SMAD4: variants seen among roughly 807,000 people sequenced by gnomAD.
SMAD4 encodes the protein MAD homolog 4.
A neutral mutation model predicts 63.2 loss-of-function variants in SMAD4; 7 were observed. That is an observed-to-expected ratio of 0.11 (90% CI 0.06 to 0.21). The LOEUF (loss-of-function observed/expected upper bound fraction) is 0.21. Among genes scored for constraint, SMAD4 ranks in the 10% least tolerant of loss-of-function variants. SMAD4 has a pLI of 1.00. For synonymous variants in SMAD4, 215 were observed against 235.4 expected (o/e 0.91, Z 0.79); for missense variants, 312 against 693.8 (o/e 0.45, Z 6.18).
intron 10 of SMAD4, among the ~76,000 whole-genome samples, chr18:51,074,834 T>C (rs1910431484): frequency 6.6e-6 from 1 of 152,190 alleles, no homozygotes; most frequent in African/African-American, 2.4e-5. Context: ...GTTTCACTTC[T>C]GGGTGTTGTG....
intron 8 of SMAD4, among the ~76,000 whole-genome samples, chr18:51,062,154 A>G (rs1568207130): frequency 2.0e-5 from 3 of 152,154 alleles, no homozygotes; most frequent in Admixed American, 6.5e-5. Context: ...TTAACGATAT[A>G]TATTTATTAT....
At chr18:51,073,280 G>A (rs1910365343) in intron 10 of SMAD4, among the ~76,000 whole-genome samples, 1 of 149,254 alleles carries the variant, frequency 6.7e-6, no homozygotes, top group African/African-American at 2.5e-5. Context: ...TGACTCGTGG[G>A]GGTGGGGGAG....
chr18:51,038,318 A>G (rs1433371468), intron 1 of SMAD4, among the ~76,000 whole-genome samples: 1 of 151,892 alleles, frequency 6.6e-6, no homozygotes, highest in East Asian at 1.9e-4. Flanking sequence ...TTGAACCAAT[A>G]TTTTCCCAAA....
At chr18:51,073,149 A>G (rs540009824) in intron 10 of SMAD4, among the ~76,000 whole-genome samples, 1 of 152,034 alleles carries the variant, frequency 6.6e-6, no homozygotes, top group South Asian at 2.1e-4. Context: ...CCGTGTGGGT[A>G]ACCTGTAATA....
chr18:51,076,701 G>T lies in SMAD4; in HGVS notation c.1372G>T (p.Ala458Ser). 6.2e-7 allele frequency: 1 copy of T among 1,613,012 alleles called. No homozygotes were observed. The highest frequency in any genetic ancestry group is 1.1e-5 in the South Asian group (1 of 91,068). ...QQQAATAQAAAAAQAAAVAGN... is the reference protein window; with the variant it reads ...QQQAATAQAASAAQAAAVAGN... ...GCAGGCGGCTACTGCACAAGCTGCA[G>T]CAGCTGCCCAGGCAGCAGCCGTGGC... The change falls in exon 11 of 12, where the codon GCA (alanine) becomes TCA (serine). Residue 458 changes from alanine to serine, a missense_variant. Physicochemically the swap from Ala to Ser is moderately conservative, Grantham distance 99. Transcript: ENST00000342988.
chr18:51,044,390 A>G (rs909503129), intron 1 of SMAD4, among the ~76,000 whole-genome samples: 5 of 151,850 alleles, frequency 3.3e-5, no homozygotes, highest in African/African-American at 9.7e-5. Flanking sequence ...ATCTTCTTGT[A>G]AAACTATTAT....
At chr18:51,074,212 CAAA>C (rs533055652) in intron 10 of SMAD4, among the ~76,000 whole-genome samples, 4 of 88,070 alleles carry the variant, frequency 4.5e-5, no homozygotes, top group Admixed American at 1.2e-4. Flanking sequence ...TCATCTCTAC[CAAA>C]AAAAAAAAAA....
chr18:51,060,047 TAATC>T, intron 8 of SMAD4, 131 bp downstream of exon 8: 1 of 730,496 alleles, frequency 1.4e-6, no homozygotes, highest in Non-Finnish European at 2.5e-6. Flanking sequence ...TGACATGAGT[TAATC>T]AACAGTTTGA....
At chr18:51,073,388 T>TACACACACAC (rs201632233) in intron 10 of SMAD4, among the ~76,000 whole-genome samples, 5 of 64,182 alleles carry the variant, frequency 7.8e-5, no homozygotes, top group African/African-American at 2.3e-4. Context: ...TATATATATA[T>TACACACACAC]ACACACACAC....
At chr18:51,054,337 C>G (rs1270064814) in intron 4 of SMAD4, 1 of 196,640 alleles carries the variant, frequency 5.1e-6, no homozygotes, top group East Asian at 1.3e-4. Context: ...ACTCATATCT[C>G]CACAGTGTGA....
intron 1 of SMAD4, among the ~76,000 whole-genome samples, chr18:51,038,339 A>T (rs1356584216): frequency 2.0e-5 from 3 of 152,056 alleles, no homozygotes; most frequent in Non-Finnish European, 4.4e-5. Context: ...TGACCAATTC[A>T]TGTTACAAAA....
In SMAD4 at chr18:51,079,941, C is replaced by T. The variant is rs1282861254; in HGVS notation, c.*1474C>T. ...CACTCTACCGGGACTTCCCCATGGA[C>T]ATTGTGTATCATGTGTAGAGTTGGT... On this transcript the variant is annotated 3_prime_UTR_variant, in exon 12 of 12. Transcript: ENST00000342988. 3.0e-5 allele frequency: 7 copies of T among 229,724 alleles called. No individual in the cohort carries two copies. The highest frequency in any genetic ancestry group is 1.2e-4 in the East Asian group (2 of 16,292). The allele number at this position is 229,724 out of a possible 1,614,324, so 14.2% of individuals were successfully genotyped here.
chr18:51,078,364 A>C lies in SMAD4; in HGVS notation c.1556A>C (p.Lys519Thr). 6.2e-7 allele frequency: 1 copy of C among 1,614,184 alleles called. No individual in the cohort carries two copies. Among genetic ancestry groups the C allele is most frequent in the African/African-American group, 1.3e-5 (1 of 75,048 alleles). The change falls in exon 12 of 12, where the codon AAA becomes ACA. Residue 519 changes from lysine to threonine, a missense_variant. By Grantham distance (78) the Lys-to-Thr change is moderately conservative (BLOSUM62 -1). Transcript: ENST00000342988. ...WGPDYPRQSI[K>T]ETPCWIEIHL... ...CCGGATTACCCAAGACAGAGCATCA[A>C]AGAAACACCTTGCTGGATTGAAATT...
At chr18:51,045,029 GA>G (rs2144396177) in intron 1 of SMAD4, 1 of 152,354 alleles carries the variant, frequency 6.6e-6, no homozygotes, top group South Asian at 2.1e-4. Flanking sequence ...ACAACAGAGG[GA>G]GGAGCAAGTC....
intron 1 of SMAD4, among the ~76,000 whole-genome samples, chr18:51,031,055 C>G (rs995685633): frequency 6.6e-6 from 1 of 152,140 alleles, no homozygotes; most frequent in African/African-American, 2.4e-5. Flanking sequence ...TGTCTTTGTC[C>G]CCTACTTTCT....
intron 5 of SMAD4, among the ~76,000 whole-genome samples, chr18:51,057,769 A>G (rs1909881315): frequency 6.6e-6 from 1 of 152,206 alleles, no homozygotes; most frequent in South Asian, 2.1e-4. Context: ...AGAAAGGTCC[A>G]GAGAGAGAGG....
chr18:51,044,755 T>C (rs1315234538), intron 1 of SMAD4, among the ~76,000 whole-genome samples: 4 of 152,202 alleles, frequency 2.6e-5, no homozygotes, highest in Non-Finnish European at 4.4e-5. Context: ...ATCAGACACG[T>C]TATGCAGAAT....
chr18:51,066,772 TA>T, intron 9 of SMAD4: 1 of 446,400 alleles, frequency 2.2e-6, no homozygotes, highest in Non-Finnish European at 4.1e-6. Context: ...TGTTGAGTTG[TA>T]AGGGTTTAAT....
In SMAD4 at chr18:51,082,961, G is replaced by T. The variant is rs868415137; in HGVS notation, c.*4494G>T. 2.2e-5 allele frequency: 5 copies of T among 226,746 alleles called. No homozygotes were observed. The highest frequency in any genetic ancestry group is 4.4e-5 in the Non-Finnish European group (5 of 114,046). 14.0% of individuals were successfully genotyped at this position (226,746 alleles called of 1,614,324 possible). On this transcript the variant is annotated 3_prime_UTR_variant, in exon 12 of 12. Coordinates refer to ENST00000342988, the MANE Select transcript of SMAD4 (RefSeq NM_005359.6). ...CCAAGACACTTTCCTGTGAAGTGCT[G>T]AAAAAGACCTCATTGTATTGGCATT... is the stretch of plus-strand genomic sequence containing the variant.
Sources: gnomAD v4.1 joint callset for allele counts (sites outside exome capture counted in the v4.1 genomes callset) on GRCh38, gnomAD v4.1.1 for gene constraint, MANE v1.5 for transcripts, NCBI Gene and HGNC (gene_info 2026-07-23, HGNC 2026-07-21) for gene names.